Variants in ROR1 observed in about 807,000 individuals in gnomAD.
The protein encoded by ROR1 is ROR family WNT receptor 1, also known as inactive tyrosine-protein kinase transmembrane receptor ROR1.
ROR1 carries 19 observed loss-of-function variants against 78.8 expected under a neutral mutation model. That is an observed-to-expected ratio of 0.24 (90% CI 0.17 to 0.35). The LOEUF is 0.35. Ranked by LOEUF, ROR1 falls within the 10% of genes least tolerant of loss-of-function variation. The pLI is 1.00. For synonymous variants in ROR1, 386 were observed against 433.6 expected (o/e 0.89, Z 1.36); for missense variants, 917 against 1,177.8 (o/e 0.78, Z 3.24).
At chr1:63,917,603 A>G (rs1645618850) in intron 1 of ROR1, among the ~76,000 whole-genome samples, 1 of 152,212 alleles carries the variant, frequency 6.6e-6, no homozygotes, top group African/African-American at 2.4e-5. Context: ...ATTATAAAAA[A>G]TTAAATCATT....
chr1:64,110,043 C>T (rs1403550310), intron 4 of ROR1, among the ~76,000 whole-genome samples: 1 of 152,178 alleles, frequency 6.6e-6, no homozygotes, highest in Non-Finnish European at 1.5e-5. Flanking sequence ...CACACTCAGT[C>T]TCCCTGTCTT....
intron 1 of ROR1, among the ~76,000 whole-genome samples, chr1:63,781,521 A>G (rs1644651281): frequency 6.6e-6 from 1 of 152,194 alleles, no homozygotes; most frequent in East Asian, 1.9e-4. Flanking sequence ...CAGATGTGGT[A>G]CCACAGGCAA....
intron 4 of ROR1, among the ~76,000 whole-genome samples, chr1:64,076,888 A>G (rs1264495651): frequency 6.6e-6 from 1 of 152,218 alleles, no homozygotes; most frequent in Non-Finnish European, 1.5e-5. Context: ...AGGAACAGTT[A>G]CTTTTTTACT....
chr1:63,777,836 A>T (rs545718075), intron 1 of ROR1, among the ~76,000 whole-genome samples: 15 of 152,392 alleles, frequency 9.8e-5, no homozygotes, highest in African/African-American at 3.6e-4. Flanking sequence ...ATATGTACAG[A>T]TAGCATATGT....
chr1:64,135,214 C>G (rs1649062509), intron 4 of ROR1, among the ~76,000 whole-genome samples: 1 of 152,124 alleles, frequency 6.6e-6, no homozygotes, highest in Non-Finnish European at 1.5e-5. Flanking sequence ...AATGTGCAGC[C>G]AAGGAATTGC....
intron 8 of ROR1, among the ~76,000 whole-genome samples, chr1:64,161,265 T>C (rs915225800): frequency 6.6e-6 from 1 of 152,202 alleles, no homozygotes; most frequent in Non-Finnish European, 1.5e-5. Flanking sequence ...AAGAGCTAGT[T>C]ATTAGAAGCA....
intron 1 of ROR1, among the ~76,000 whole-genome samples, chr1:63,917,123 C>T (rs1645615137): frequency 6.6e-6 from 1 of 152,258 alleles, no homozygotes; most frequent in Admixed American, 6.5e-5. Context: ...TGACCTCTTA[C>T]ATTGGTCACT....
intron 1 of ROR1, among the ~76,000 whole-genome samples, chr1:63,828,711 T>C (rs148300894): frequency 0.014 from 2,096 of 152,346 alleles, 60 homozygotes; most frequent in East Asian, 0.079. Context: ...TTTGTCTTTC[T>C]GGTTTTTTAC....
intron 8 of ROR1, among the ~76,000 whole-genome samples, chr1:64,175,833 C>CT (rs1279185913): frequency 6.6e-6 from 1 of 152,146 alleles, no homozygotes; most frequent in Non-Finnish European, 1.5e-5. Flanking sequence ...GATAAGAGAA[C>CT]TTTTTTACCA....
chr1:63,839,342 TATC>T (rs1410362705), intron 1 of ROR1, among the ~76,000 whole-genome samples: 11 of 144,012 alleles, frequency 7.6e-5, no homozygotes, highest in Non-Finnish European at 7.6e-5. Context: ...TCTGTCTCCA[TATC>T]ATCTATCTAT....
intron 1 of ROR1, chr1:63,843,446 G>A: frequency 1.3e-6 from 1 of 742,334 alleles, no homozygotes; most frequent in East Asian, 2.9e-5. Flanking sequence ...AGAGGGTGTA[G>A]TGGCAGTCCT....
At chr1:63,994,065 T>G (rs1646317347) in intron 1 of ROR1, among the ~76,000 whole-genome samples, 1 of 152,280 alleles carries the variant, frequency 6.6e-6, no homozygotes, top group South Asian at 2.1e-4. Context: ...AAATAACATC[T>G]CATTGAAGTT....
intron 4 of ROR1, among the ~76,000 whole-genome samples, chr1:64,094,017 A>G (rs1647233157): frequency 6.6e-6 from 1 of 152,190 alleles, no homozygotes. Flanking sequence ...AGCTAGGCCT[A>G]TCAAATTTCA....
At chr1:64,127,057 A>G (rs896361726) in intron 4 of ROR1, among the ~76,000 whole-genome samples, 2 of 152,146 alleles carry the variant, frequency 1.3e-5, no homozygotes, top group Non-Finnish European at 2.9e-5. Flanking sequence ...TTTTAACCTA[A>G]CTATTGTATC....
chr1:63,948,332 C>T (rs1450606086), intron 1 of ROR1, among the ~76,000 whole-genome samples: 1 of 149,946 alleles, frequency 6.7e-6, no homozygotes, highest in Non-Finnish European at 1.5e-5. Flanking sequence ...GGTTTGTGGT[C>T]CAATTTTTTT....
At chr1:64,122,551 T>G (rs1338073206) in intron 4 of ROR1, among the ~76,000 whole-genome samples, 2 of 152,208 alleles carry the variant, frequency 1.3e-5, no homozygotes, top group African/African-American at 4.8e-5. Context: ...CCTTGTCCAC[T>G]GCTGTGGCCC....
At chr1:64,084,299 A>C (rs886638226) in intron 4 of ROR1, among the ~76,000 whole-genome samples, 2 of 152,154 alleles carry the variant, frequency 1.3e-5, no homozygotes, top group South Asian at 4.1e-4. Flanking sequence ...TGGATACTCA[A>C]AGACTGGATT....
intron 1 of ROR1, among the ~76,000 whole-genome samples, chr1:63,931,022 C>T (rs1645747008): frequency 6.6e-6 from 1 of 152,172 alleles, no homozygotes; most frequent in African/African-American, 2.4e-5. Context: ...CAGCTTACGC[C>T]TGTGATCCCA....
chr1:63,865,033 A>G (rs74077463), intron 1 of ROR1, among the ~76,000 whole-genome samples: 7,993 of 152,162 alleles, frequency 0.053, 497 homozygotes, highest in African/African-American at 0.14. Context: ...ATGTTTCACT[A>G]TATACAAACA....
Sources: allele counts gnomAD v4.1 joint callset (sites outside exome capture counted in the v4.1 genomes callset), GRCh38; gene constraint gnomAD v4.1.1; transcripts MANE v1.5; gene names NCBI Gene and HGNC (gene_info 2026-07-23, HGNC 2026-07-21).